The following ATAD3A variants were observed in gnomAD, a reference collection of about 807,000 sequenced individuals.
ATAD3A encodes ATPase family AAA domain-containing protein 3A.
A neutral mutation model predicts 73.8 loss-of-function variants in ATAD3A; 46 were observed. That is an observed-to-expected ratio of 0.62 (90% confidence interval 0.49 to 0.80). The LOEUF is 0.80. ATAD3A is among the 30% of genes least tolerant of loss of function. The probability of loss-of-function intolerance (pLI) is 0.00; values close to 1 mark genes in which losing one functional copy is unlikely to be tolerated. For missense variants in ATAD3A, 705 were observed against 838.0 expected (o/e 0.84, Z 1.96); for synonymous variants, 319 against 350.0 (o/e 0.91, Z 0.99).
At chr1:1,521,852 A>G (rs1161650737) in intron 7 of ATAD3A, among the ~76,000 whole-genome samples, 2 of 151,906 alleles carry the variant, frequency 1.3e-5, no homozygotes, top group Non-Finnish European at 2.9e-5. Context: ...GGCTCACGTC[A>G]CCACACTCAG....
chr1:1,529,193 G>C (rs971232779), intron 14 of ATAD3A, 30 bp from the exon 15 acceptor site: 2 of 1,605,766 alleles, frequency 1.2e-6, no homozygotes, highest in Non-Finnish European at 8.5e-7. Context: ...CTGCTGCCTT[G>C]GCCGGCCCAC....
At chr1:1,525,088 T>C in intron 11 of ATAD3A, 152 bp from the exon 12 acceptor site, 5 of 1,091,574 alleles carry the variant, frequency 4.6e-6, no homozygotes, top group Non-Finnish European at 6.8e-6. Flanking sequence ...GCTGATCGGC[T>C]TCTGTCGAGT....
chr1:1,512,830 C>CAGATGGGT, intron 1 of ATAD3A: 1 of 893,132 alleles, frequency 1.1e-6, no homozygotes, highest in South Asian at 3.1e-5. Context: ...AAGGCGTGGC[C>CAGATGGGT]AGATGGGTAG....
At chr1:1,527,578 T>G in intron 13 of ATAD3A, 117 bp from the exon 14 acceptor site, 2 of 1,341,418 alleles carry the variant, frequency 1.5e-6, no homozygotes, top group Non-Finnish European at 2.0e-6. Context: ...GCTGTGCCCG[T>G]GTCCTCGTGT....
chr1:1,533,657 C>G (rs1028808304), intron 15 of ATAD3A, among the ~76,000 whole-genome samples: 2 of 152,076 alleles, frequency 1.3e-5, no homozygotes, highest in Non-Finnish European at 2.9e-5. Flanking sequence ...GGTCGGCGGT[C>G]AGTGAGGCTC....
intron 1 of ATAD3A, 47 bp downstream of exon 1, chr1:1,512,520 C>A (rs1194183962): frequency 2.3e-6 from 3 of 1,277,718 alleles, no homozygotes; most frequent in South Asian, 1.7e-5. Context: ...GCGGGACGGG[C>A]CGGGGAAGCG....
At position 1,523,533 on chromosome 1, in the gene ATAD3A, G is replaced by A. The variant is rs551101347; in HGVS notation, c.929G>A (p.Arg310Gln). ...CAGGTCAGCCGGCGGCTCCTCAGTCGACCCCAGGACGCGCTGGAGGGTGTT... is the reference window on the plus strand; with the variant it reads ...CAGGTCAGCCGGCGGCTCCTCAGTCAACCCCAGGACGCGCTGGAGGGTGTT... ...PIQVSRRLLS[R>Q]PQDALEGVVL... The change falls in exon 9 of 16, where the codon CGA becomes CAA. Residue 310 changes from arginine to glutamine, a missense_variant. Around this residue, in one of 5 missense-constraint regions of ATAD3A, gnomAD observed 315 missense variants for 334.1 expected, o/e 0.94. Transcript: ENST00000378756. The surrounding 1 kb of genome is among the most constrained non-coding windows in gnomAD (Gnocchi z 5.1). 60 of 1,612,894 alleles carry A rather than the reference G, an allele frequency of 3.7e-5. No homozygotes were observed. Among genetic ancestry groups the A allele is most frequent in the Non-Finnish European group, 4.7e-5 (55 of 1,179,668 alleles).
At chr1:1,524,468 C>T (rs1158950841) in intron 11 of ATAD3A, 71 bp downstream of exon 11, 1 of 1,414,004 alleles carries the variant, frequency 7.1e-7, no homozygotes, top group Non-Finnish European at 9.6e-7. Context: ...GGAAGGGGGT[C>T]CAGGTGTCTC....
At chr1:1,518,644 ACCC>A (rs1167798334) in intron 4 of ATAD3A, among the ~76,000 whole-genome samples, 15 of 16,566 alleles carry the variant, frequency 9.1e-4, no homozygotes, top group Non-Finnish European at 1.4e-3. Context: ...GGCACGCACA[ACCC>A]CCCCACCCCC....
chr1:1,513,561 C>T (rs1201341396), intron 1 of ATAD3A, among the ~76,000 whole-genome samples: 1 of 152,088 alleles, frequency 6.6e-6, no homozygotes, highest in Admixed American at 6.5e-5. Context: ...TCTCCAGGTG[C>T]ACCGTGGGGA....
rs773437946 is a variant in ATAD3A, at chr1:1,522,827, G to A, written c.834G>A (p.Arg278=). The change falls in exon 8 of 16, where the codon CGG becomes CGA. Residue 278 remains arginine, a synonymous_variant. Transcript: ENST00000378756. ...TCGCCGGCCGCTTCATCGAGGCTCG[G>A]CTGGGGAAGCCGTCCCTAGTGAGGG... is the stretch of plus-strand genomic sequence containing the variant. ...TLVAGRFIEA[R]LGKPSLVRET... The A allele has an allele frequency of 6.2e-7, 1 of 1,610,738 alleles. No individual in the cohort carries two copies. Among genetic ancestry groups the A allele is most frequent in the Non-Finnish European group, 8.5e-7 (1 of 1,179,730 alleles).
intron 15 of ATAD3A, among the ~76,000 whole-genome samples, chr1:1,530,228 C>T (rs1353409480): frequency 6.6e-6 from 1 of 152,214 alleles, no homozygotes; most frequent in Non-Finnish European, 1.5e-5. Flanking sequence ...GGAACCAGGT[C>T]TGTTTCCACA....
At position 1,524,279 on chromosome 1, in the gene ATAD3A, G is replaced by T. The variant is rs573141333; in HGVS notation, c.1096G>T (p.Ala366Ser). 2.5e-6 allele frequency: 4 copies of T among 1,613,880 alleles called. No individual in the cohort carries two copies. The highest frequency in any genetic ancestry group is 3.4e-6 in the Non-Finnish European group (4 of 1,179,832). The part of the protein sequence containing the change: ...TGKTLFAKKL[A>S]LHSGMDYAIM... Reference sequence around the variant, plus strand: ...CCTCACTCTTCCTGTCCAGAAACTCGCCCTGCACTCAGGCATGGACTACGC... The same window carrying T: ...CCTCACTCTTCCTGTCCAGAAACTCTCCCTGCACTCAGGCATGGACTACGC... The change falls in exon 11 of 16, where the codon GCC (alanine) becomes TCC (serine). Residue 366 changes from alanine (A) to serine (S), a missense_variant. By Grantham distance (99) the Ala-to-Ser change is moderately conservative (BLOSUM62 1). Coordinates refer to ENST00000378756, the MANE Select transcript of ATAD3A (RefSeq NM_001170535.3).
chr1:1,513,021 C>T (rs889844948), intron 1 of ATAD3A, among the ~76,000 whole-genome samples: 3 of 152,240 alleles, frequency 2.0e-5, no homozygotes, highest in African/African-American at 2.4e-5. Context: ...AAACCCCTGA[C>T]CCAAGGCCCT....
intron 1 of ATAD3A, among the ~76,000 whole-genome samples, 182 bp from the exon 2 acceptor site, chr1:1,515,830 G>A (rs922015009): frequency 2.6e-5 from 4 of 152,218 alleles, no homozygotes; most frequent in African/African-American, 9.6e-5. Flanking sequence ...ATCAGGCCGT[G>A]TGCTGGGGAT....
chr1:1,518,221 G>A (rs1490351167), intron 4 of ATAD3A, among the ~76,000 whole-genome samples: 1 of 148,940 alleles, frequency 6.7e-6, no homozygotes, highest in Non-Finnish European at 1.5e-5. Context: ...CATACAGACA[G>A]GTACGCACAT....
intron 1 of ATAD3A, among the ~76,000 whole-genome samples, chr1:1,513,281 A>T (rs1183984942): frequency 6.6e-6 from 1 of 151,708 alleles, no homozygotes; most frequent in Admixed American, 6.6e-5. Context: ...TTTGTGTCCT[A>T]GTTCCTGGGG....
At chr1:1,517,039 T>G in intron 2 of ATAD3A, 13 of 1,443,020 alleles carry the variant, frequency 9.0e-6, no homozygotes, top group African/African-American at 1.4e-5. Context: ...AAAATAAGCA[T>G]GAGCTCTGCC....
At chr1:1,532,946 C>T (rs1230463390) in intron 15 of ATAD3A, among the ~76,000 whole-genome samples, 2 of 152,098 alleles carry the variant, frequency 1.3e-5, no homozygotes, top group Non-Finnish European at 2.9e-5. Context: ...TCCCGGGCCC[C>T]CGACCCACAG....
Sources: allele counts gnomAD v4.1 joint callset (sites outside exome capture counted in the v4.1 genomes callset), GRCh38; gene constraint gnomAD v4.1.1; regional missense constraint gnomAD v4.1.1; non-coding constraint Gnocchi (gnomAD v3.1); transcripts MANE v1.5; gene names NCBI Gene and HGNC (gene_info 2026-07-23, HGNC 2026-07-21).